The following KIAA1217 variants were observed in gnomAD, a reference collection of about 807,000 sequenced individuals.
KIAA1217 encodes sickle tail protein homolog.
In KIAA1217, 88 loss-of-function variants were observed where a neutral mutation model predicts 163.9. The observed-to-expected ratio is 0.54, with a 90% CI of 0.45 to 0.64. The LOEUF (loss-of-function observed/expected upper bound fraction) is 0.64. Among genes scored for constraint, KIAA1217 ranks in the 30% least tolerant of loss-of-function variants. The probability of loss-of-function intolerance (pLI) is 0.00; values close to 1 mark genes in which losing one functional copy is unlikely to be tolerated. For synonymous variants in KIAA1217, 903 were observed against 923.1 expected (o/e 0.98, Z 0.39); for missense variants, 2,372 against 2,475.0 (o/e 0.96, Z 0.88).
In KIAA1217 at chr10:24,198,583, G is replaced by GAA. The variant is rs35790678; in HGVS notation, c.-170-21027_-170-21026dup. ...AAGATCGTGCCACTGCTCTTATCTC[G>GAA]AAAAAAAAAAAAAAAAAGCATTTAC... On this transcript the variant is annotated intron_variant, in intron 2 of 18. Coordinates refer to the KIAA1217 transcript ENST00000376462. Among the ~76,000 whole-genome samples, 219 of 114,970 alleles carry GAA rather than the reference G, an allele frequency of 1.9e-3. 2 individuals are homozygous for GAA. The highest frequency in any genetic ancestry group is 6.7e-3 in the African/African-American group (210 of 31,174). 75.4% of individuals were successfully genotyped at this position (114,970 alleles called of 152,430 possible).
At chr10:24,373,580 G>A (rs1029349541) in intron 2 of KIAA1217, among the ~76,000 whole-genome samples, 43 of 152,140 alleles carry the variant, frequency 2.8e-4, no homozygotes, top group Non-Finnish European at 4.1e-4. Flanking sequence ...ACAACCACAA[G>A]GACAAGGTAA....
rs559245503 is a variant in KIAA1217 at position 23,795,596 on chromosome 10, A to G, written c.-321+100362A>G. Among the ~76,000 whole-genome samples, 7 of 152,356 alleles carry G rather than the reference A, an allele frequency of 4.6e-5. No individual in the cohort carries two copies. The South Asian group carries it at 1.2e-3, about 27-fold the overall frequency. ...AAAGTGGTTCGGTCCAAAAGGCTGG[A>G]TATCTTGAAGTAAGGACTTATAGGT... On this transcript the variant is annotated intron_variant, in intron 1 of 18. Transcript: ENST00000376462.
intron 3 of KIAA1217, among the ~76,000 whole-genome samples, chr10:24,381,326 A>T (rs933302539): frequency 2.0e-5 from 3 of 152,240 alleles, no homozygotes; most frequent in African/African-American, 7.2e-5. Flanking sequence ...GGCTAGTAGT[A>T]TTTTACCTAT....
chr10:24,051,554 G>A (rs1325051237), intron 2 of KIAA1217, among the ~76,000 whole-genome samples: 1 of 152,022 alleles, frequency 6.6e-6, no homozygotes, highest in Admixed American at 6.6e-5. Flanking sequence ...TAGTGGTTGT[G>A]CTAGTTTACA....
Position 23,885,312 on chromosome 10 carries a change from TA to T in KIAA1217, c.-320-121912del, listed in dbSNP as rs911565347. On this transcript the variant is annotated intron_variant, in intron 1 of 18. Coordinates refer to the KIAA1217 transcript ENST00000376462. ...CTACTCTCTTAGCAGATTTAAACTC[TA>T]CGGTACAATATTATTAAGTATAGTC... Among the ~76,000 whole-genome samples the T allele has an allele frequency of 7.9e-5, 12 of 152,060 alleles. 1 individual carries two copies. Among genetic ancestry groups the T allele is most frequent in the African/African-American group, 2.9e-4 (12 of 41,540 alleles).
At chr10:24,048,755 G>A (rs1330649950) in intron 2 of KIAA1217, among the ~76,000 whole-genome samples, 12 of 150,844 alleles carry the variant, frequency 8.0e-5, no homozygotes, top group African/African-American at 2.5e-4. Context: ...TATATTGGCC[G>A]GGCGCAGTGG....
intron 2 of KIAA1217, among the ~76,000 whole-genome samples, chr10:24,255,761 C>T (rs1234396538): frequency 1.3e-5 from 2 of 152,128 alleles, no homozygotes; most frequent in Non-Finnish European, 2.9e-5. Context: ...AATCTGGTTT[C>T]TTTCAAGTGA....
chr10:24,034,399 A>G (rs1848307826), intron 2 of KIAA1217, among the ~76,000 whole-genome samples: 1 of 151,952 alleles, frequency 6.6e-6, no homozygotes, highest in South Asian at 2.1e-4. Context: ...AACTCTACAA[A>G]AAATACAAAA....
chr10:24,133,265 T>C (rs1184870749), intron 2 of KIAA1217, among the ~76,000 whole-genome samples: 6 of 152,134 alleles, frequency 3.9e-5, no homozygotes, highest in Non-Finnish European at 7.3e-5. Flanking sequence ...TAAGCTGTCA[T>C]GATTCTATTA....
At chr10:24,173,954 A>G (rs2065751035) in intron 2 of KIAA1217, among the ~76,000 whole-genome samples, 1 of 152,162 alleles carries the variant, frequency 6.6e-6, no homozygotes, top group African/African-American at 2.4e-5. Context: ...TGAATGTCCC[A>G]TGGGGCTGTC....
At chr10:24,068,218 C>A (rs1401632758) in intron 2 of KIAA1217, among the ~76,000 whole-genome samples, 1 of 152,202 alleles carries the variant, frequency 6.6e-6, no homozygotes, top group Non-Finnish European at 1.5e-5. Flanking sequence ...CAGAAATCAC[C>A]CGTCTTCTGC....
chr10:23,712,846 C>G (rs1280425094), intron 1 of KIAA1217, among the ~76,000 whole-genome samples: 2 of 152,092 alleles, frequency 1.3e-5, no homozygotes, highest in Non-Finnish European at 2.9e-5. Context: ...TGCCGTGTTT[C>G]TTATTGCTCT....
At chr10:23,904,866 G>GA (rs910307861) in intron 1 of KIAA1217, among the ~76,000 whole-genome samples, 3 of 151,634 alleles carry the variant, frequency 2.0e-5, no homozygotes, top group Admixed American at 1.3e-4. Flanking sequence ...TTTTACAGAT[G>GA]AAAAAAGACT....
intron 2 of KIAA1217, among the ~76,000 whole-genome samples, chr10:24,170,067 G>A (rs1372713761): frequency 6.6e-6 from 1 of 152,170 alleles, no homozygotes; most frequent in Non-Finnish European, 1.5e-5. Flanking sequence ...TTTTATGCTA[G>A]TAAAGACACT....
chr10:23,702,472 A>T (rs1455941809), intron 1 of KIAA1217, among the ~76,000 whole-genome samples: 1 of 152,176 alleles, frequency 6.6e-6, no homozygotes, highest in African/African-American at 2.4e-5. Context: ...GCCTTGGGGA[A>T]ACCTATTTAA....
At chr10:24,370,283 A>AAAAAC (rs2051436978) in intron 2 of KIAA1217, among the ~76,000 whole-genome samples, 1 of 151,700 alleles carries the variant, frequency 6.6e-6, no homozygotes, top group Non-Finnish European at 1.5e-5. Context: ...AAAAAAAAAA[A>AAAAAC]AAGACATCTA....
intron 1 of KIAA1217, among the ~76,000 whole-genome samples, chr10:23,762,203 G>T (rs1834291303): frequency 6.6e-6 from 1 of 151,836 alleles, no homozygotes; most frequent in African/African-American, 2.4e-5. Flanking sequence ...AAGGGGAGCT[G>T]ATACCATTCC....
rs369025692 is a variant in KIAA1217 at position 24,536,781 on chromosome 10, A to G, written c.3422A>G (p.Gln1141Arg). 1.2e-5 allele frequency: 20 copies of G among 1,613,542 alleles called. No homozygotes were observed. The highest frequency in any genetic ancestry group is 1.4e-5 in the Non-Finnish European group (17 of 1,179,676). Residue 1141 changes from glutamine (Q) to arginine (R), a missense_variant, in exon 17 of 21, where the codon CAG (glutamine) becomes CGG (arginine). Transcript: ENST00000376454. ...DKIMAELQAF[Q>R]KCSFMDVNSN... ...AGTATTTTAATTCCTTAGGCATTCC[A>G]GAAGTGTTCCTTTATGGATGTAAAT...
intron 1 of KIAA1217, among the ~76,000 whole-genome samples, chr10:23,895,027 C>G (rs1841612223): frequency 6.6e-6 from 1 of 152,082 alleles, no homozygotes; most frequent in Non-Finnish European, 1.5e-5. Context: ...GGACCTAAAA[C>G]CATAAAAACC....
Sources: gnomAD v4.1 joint callset for allele counts (sites outside exome capture counted in the v4.1 genomes callset) on GRCh38, gnomAD v4.1.1 for gene constraint, MANE v1.5 for transcripts, NCBI Gene and HGNC (gene_info 2026-07-23, HGNC 2026-07-21) for gene names.